Variants in PRRC2B observed in about 807,000 individuals in gnomAD.
The protein encoded by PRRC2B is proline rich coiled-coil 2B.
Under a neutral mutation model 242.3 loss-of-function variants are expected in PRRC2B, and 68 were observed. The ratio of observed to expected loss-of-function variants is 0.28; its 90% CI spans 0.23 to 0.34. The LOEUF is 0.34. Among genes scored for constraint, PRRC2B ranks in the 10% least tolerant of loss-of-function variants. The pLI, the probability that PRRC2B is intolerant of heterozygous loss-of-function variation, is 1.00. For missense variants in PRRC2B, 2,835 were observed against 2,954.8 expected (o/e 0.96, Z 0.94); for synonymous variants, 1,228 against 1,173.6 (o/e 1.05, Z -0.95).
At chr9:131,417,509 G>A (rs1837692660) in intron 1 of PRRC2B, among the ~76,000 whole-genome samples, 2 of 151,930 alleles carry the variant, frequency 1.3e-5, no homozygotes, top group African/African-American at 2.4e-5. Context: ...CACCTCCTAC[G>A]ACCTCCTGAG....
chr9:131,380,112 C>G (rs1836737051), intron 1 of PRRC2B, among the ~76,000 whole-genome samples: 1 of 151,182 alleles, frequency 6.6e-6, no homozygotes, highest in African/African-American at 2.4e-5. Flanking sequence ...CCTGCCTCAG[C>G]CTCCCAAGCA....
At chr9:131,382,401 C>G (rs1836772933) in intron 1 of PRRC2B, among the ~76,000 whole-genome samples, 1 of 152,116 alleles carries the variant, frequency 6.6e-6, no homozygotes, top group African/African-American at 2.4e-5. Flanking sequence ...TCTCCAGTGT[C>G]TGATGGGAAA....
intron 1 of PRRC2B, among the ~76,000 whole-genome samples, chr9:131,384,611 G>A (rs1836804935): frequency 6.6e-6 from 1 of 150,968 alleles, no homozygotes; most frequent in Non-Finnish European, 1.5e-5. Context: ...GTAGAGATGG[G>A]GTTTCACCAT....
At chr9:131,421,994 T>C (rs1300645909) in intron 1 of PRRC2B, among the ~76,000 whole-genome samples, 1 of 152,244 alleles carries the variant, frequency 6.6e-6, no homozygotes, top group East Asian at 1.9e-4. Flanking sequence ...AGCCTGGCCC[T>C]GCACTCGGCA....
chr9:131,432,126 G>A (rs967631550), intron 2 of PRRC2B, among the ~76,000 whole-genome samples: 1 of 152,096 alleles, frequency 6.6e-6, no homozygotes, highest in Non-Finnish European at 1.5e-5. Flanking sequence ...CATGGTTCTT[G>A]ATATTCTAGA....
chr9:131,424,986 A>G (rs1837940853), intron 1 of PRRC2B, among the ~76,000 whole-genome samples: 1 of 151,978 alleles, frequency 6.6e-6, no homozygotes, highest in Non-Finnish European at 1.5e-5. Context: ...TTGTTTTTTG[A>G]GATGGATTCT....
At chr9:131,489,456 CA>C (rs1360611989) in intron 28 of PRRC2B, among the ~76,000 whole-genome samples, 1 of 152,098 alleles carries the variant, frequency 6.6e-6, no homozygotes, top group Non-Finnish European at 1.5e-5. Flanking sequence ...GCTGGGATTA[CA>C]GGTGTTAGCC....
chr9:131,491,651 A>C, intron 29 of PRRC2B, 71 bp downstream of exon 29: 1 of 1,410,964 alleles, frequency 7.1e-7, no homozygotes, highest in Admixed American at 2.3e-5. Flanking sequence ...TAGCAAGCTA[A>C]GTACCCCTGT....
intron 1 of PRRC2B, among the ~76,000 whole-genome samples, chr9:131,411,731 T>A (rs1359560002): frequency 6.6e-6 from 1 of 152,206 alleles, no homozygotes; most frequent in Non-Finnish European, 1.5e-5. Flanking sequence ...TGTTAGGTTT[T>A]CCAGCTCTTG....
intron 1 of PRRC2B, among the ~76,000 whole-genome samples, chr9:131,415,422 C>G (rs539795455): frequency 6.6e-6 from 1 of 152,218 alleles, no homozygotes; most frequent in Non-Finnish European, 1.5e-5. Flanking sequence ...GCCAGGCCCC[C>G]GCTCCCCTGG....
chr9:131,481,660 A>G (rs1943872858), intron 19 of PRRC2B, 66 bp from the exon 20 acceptor site: 1 of 1,283,598 alleles, frequency 7.8e-7, no homozygotes. Context: ...TTGTTCTTTA[A>G]GAGCTCATAA....
rs1293958303 is a variant in PRRC2B, at chr9:131,498,028, G to T, written c.*2154G>T. 2 of 152,182 alleles carry T rather than the reference G, an allele frequency of 1.3e-5. No individual in the cohort carries two copies. The highest frequency in any genetic ancestry group is 4.8e-5 in the African/African-American group (2 of 41,416). The allele number at this position is 152,182 out of a possible 1,614,324, so 9.4% of individuals were successfully genotyped here. A position where few individuals can be genotyped will look rare whatever the true frequency, so the allele number is the denominator to read the frequency against. ...CATGGCCAGACCCCTCCCACCTGAT[G>T]CGGTGGTGCGTGTGATTTGTCAAAA... On this transcript the variant is annotated 3_prime_UTR_variant, in exon 32 of 32. Coordinates refer to ENST00000683519, the MANE Select transcript of PRRC2B (RefSeq NM_013318.4).
Position 131,498,300 on chromosome 9 carries a change from C to T in PRRC2B, c.*2426C>T, listed in dbSNP as rs1221526242. The stretch of plus-strand genomic sequence containing the variant: ...AAAAAAAGAAGTAAATGTTTCACTG[C>T]TCTATTTATATATAATGTCTGAATT... On this transcript the variant is annotated 3_prime_UTR_variant, in exon 32 of 32. Transcript: ENST00000683519. 6.6e-6 allele frequency: 1 copy of T among 151,920 alleles called. No homozygotes were observed. The allele number at this position is 151,920 out of a possible 1,614,324, so 9.4% of individuals were successfully genotyped here.
intron 10 of PRRC2B, among the ~76,000 whole-genome samples, chr9:131,457,300 A>G (rs1276244568): frequency 6.6e-6 from 1 of 152,254 alleles, no homozygotes; most frequent in Admixed American, 6.5e-5. Context: ...AATCAAAGGC[A>G]AAGACATAAA....
chr9:131,385,506 C>G (rs953599908), intron 1 of PRRC2B, among the ~76,000 whole-genome samples: 3 of 150,428 alleles, frequency 2.0e-5, no homozygotes, highest in African/African-American at 7.3e-5. Context: ...CAGACTGGCA[C>G]TGCTGGATTC....
At chr9:131,397,639 A>T (rs934804383) in intron 1 of PRRC2B, among the ~76,000 whole-genome samples, 1 of 130,724 alleles carries the variant, frequency 7.6e-6, no homozygotes, top group Admixed American at 8.8e-5. Context: ...TATGCTAGTT[A>T]TATGTCTCAT....
rs781585834 is a variant in PRRC2B, at chr9:131,483,393, C to G, written c.5408C>G (p.Ser1803Cys). 6.2e-7 allele frequency: 1 copy of G among 1,613,922 alleles called. No individual in the cohort carries two copies. The highest frequency in any genetic ancestry group is 8.5e-7 in the Non-Finnish European group (1 of 1,179,888). Residue 1803 changes from serine (S) to cysteine (C), a missense_variant, in exon 23 of 32, where the codon TCT (serine) becomes TGT (cysteine). Physicochemically the swap from Ser to Cys is moderately radical, Grantham distance 112. Coordinates refer to ENST00000683519, the MANE Select transcript of PRRC2B (RefSeq NM_013318.4). Reference protein sequence around the residue: ...SDFSLPPGSASGPTGSPVVKL... With the variant: ...SDFSLPPGSACGPTGSPVVKL... The stretch of plus-strand genomic sequence containing the variant: ...TTCAGCTTGCCACCTGGTTCTGCCT[C>G]TGGTCCTACTGGGAGTCCAGTTGTT...
intron 2 of PRRC2B, among the ~76,000 whole-genome samples, chr9:131,432,030 G>A (rs898402959): frequency 2.6e-5 from 4 of 152,108 alleles, no homozygotes; most frequent in African/African-American, 4.8e-5. Flanking sequence ...CTGGGCTCAA[G>A]CGATCTACCC....
chr9:131,423,299 G>C (rs1335951513), intron 1 of PRRC2B, among the ~76,000 whole-genome samples: 1 of 152,222 alleles, frequency 6.6e-6, no homozygotes, highest in African/African-American at 2.4e-5. Flanking sequence ...CTGTTCTCTT[G>C]CCTCAGCCGG....
Sources: gnomAD v4.1 joint callset for allele counts (sites outside exome capture counted in the v4.1 genomes callset) on GRCh38, gnomAD v4.1.1 for gene constraint, MANE v1.5 for transcripts, NCBI Gene and HGNC (gene_info 2026-07-23, HGNC 2026-07-21) for gene names.